Variants in MRAS observed in about 807,000 individuals in gnomAD.
The protein encoded by MRAS is ras-related protein M-Ras.
A neutral mutation model predicts 20.9 loss-of-function variants in MRAS; 4 were observed. The observed-to-expected ratio is 0.19, with a 90% CI of 0.09 to 0.44. MRAS has a LOEUF of 0.44. Ranked by LOEUF, MRAS falls within the 20% of genes least tolerant of loss-of-function variation. The pLI, the probability that MRAS is intolerant of heterozygous loss-of-function variation, is 0.99. For synonymous variants in MRAS, 98 were observed against 102.9 expected (o/e 0.95, Z 0.29); for missense variants, 154 against 277.5 (o/e 0.56, Z 3.16).
intron 2 of MRAS, among the ~76,000 whole-genome samples, chr3:138,395,774 T>G (rs2055223488): frequency 6.6e-6 from 1 of 152,250 alleles, no homozygotes; most frequent in Non-Finnish European, 1.5e-5. Context: ...GGATTTGGTC[T>G]CATTCGCCTT....
At chr3:138,373,989 C>G (rs1184700491) in intron 2 of MRAS, among the ~76,000 whole-genome samples, 3 of 151,790 alleles carry the variant, frequency 2.0e-5, no homozygotes, top group Non-Finnish European at 2.9e-5. Context: ...CGGAGTCTCG[C>G]TCTGTCACCA....
intron 1 of MRAS, among the ~76,000 whole-genome samples, chr3:138,354,805 A>G (rs1274320234): frequency 2.0e-5 from 3 of 149,718 alleles, no homozygotes; most frequent in Admixed American, 6.6e-5. Flanking sequence ...GTTAGCAGTG[A>G]AGTCTCACTC....
intron 1 of MRAS, among the ~76,000 whole-genome samples, chr3:138,356,366 G>C (rs191284234): frequency 1.3e-5 from 2 of 152,238 alleles, no homozygotes; most frequent in East Asian, 3.9e-4. Flanking sequence ...GCAGATTCTT[G>C]CCTCTCAAAA....
At chr3:138,397,272 G>C in intron 2 of MRAS, 52 bp from the exon 3 acceptor site, 8 of 1,595,350 alleles carry the variant, frequency 5.0e-6, no homozygotes, top group Non-Finnish European at 6.8e-6. Flanking sequence ...GCAGGCTGTG[G>C]GGGCTACAGG....
In MRAS at chr3:138,405,076, G is replaced by A. The variant is rs551994528; in HGVS notation, c.*2807G>A. 2.0e-5 allele frequency: 3 copies of A among 152,444 alleles called. No individual in the cohort carries two copies. In the East Asian group the frequency reaches 5.8e-4, roughly 29 times the overall value. 9.4% of individuals were successfully genotyped at this position (152,444 alleles called of 1,614,324 possible). A position where few individuals can be genotyped will look rare whatever the true frequency, so the allele number is the denominator to read the frequency against. ...CCATCCTCTCCACTCCCACGGCTGG[G>A]GACAATGGCCACTTACTACCTGTGC... On this transcript the variant is annotated 3_prime_UTR_variant, in exon 6 of 6. Coordinates refer to ENST00000423968, the MANE Select transcript of MRAS (RefSeq NM_001085049.3).
intron 2 of MRAS, among the ~76,000 whole-genome samples, chr3:138,395,463 T>C (rs967604311): frequency 1.3e-5 from 2 of 152,170 alleles, no homozygotes; most frequent in East Asian, 3.9e-4. Context: ...CACACGCCCT[T>C]CACTCCCCTT....
chr3:138,380,785 T>G (rs993476791), intron 2 of MRAS, among the ~76,000 whole-genome samples: 1 of 152,148 alleles, frequency 6.6e-6, no homozygotes, highest in African/African-American at 2.4e-5. Flanking sequence ...TTTCTTTTTT[T>G]TTTGAGACGG....
At chr3:138,369,995 C>T (rs1423057326) in intron 1 of MRAS, among the ~76,000 whole-genome samples, 2 of 152,156 alleles carry the variant, frequency 1.3e-5, no homozygotes, top group African/African-American at 4.8e-5. Flanking sequence ...TTAGTTATGT[C>T]GCTGCCAGCA....
At chr3:138,399,631 T>C (rs60025224) in intron 4 of MRAS, among the ~76,000 whole-genome samples, 2,040 of 152,350 alleles carry the variant, frequency 0.013, 45 homozygotes, top group African/African-American at 0.045. Flanking sequence ...GGCATTAATT[T>C]TGTAATCAGA....
At chr3:138,349,323 A>C (rs967576746) in intron 1 of MRAS, 4 of 152,412 alleles carry the variant, frequency 2.6e-5, no homozygotes, top group African/African-American at 9.6e-5. Flanking sequence ...GGCATCAGAC[A>C]CGGTGCCAGT....
At chr3:138,392,804 T>C (rs1223819170) in intron 2 of MRAS, among the ~76,000 whole-genome samples, 1 of 152,258 alleles carries the variant, frequency 6.6e-6, no homozygotes, top group Admixed American at 6.5e-5. Flanking sequence ...TAGATGGATT[T>C]AATCCATTTG....
chr3:138,375,811 C>G (rs1044316478), intron 2 of MRAS, among the ~76,000 whole-genome samples: 4 of 152,122 alleles, frequency 2.6e-5, no homozygotes, highest in Admixed American at 2.6e-4. Flanking sequence ...TGCTTGAGCT[C>G]AGGAGTTTGA....
chr3:138,385,335 G>A (rs1330725302), intron 2 of MRAS, among the ~76,000 whole-genome samples: 1 of 150,246 alleles, frequency 6.7e-6, no homozygotes. Context: ...TTGTAGAGAC[G>A]GGGTTCTCAC....
chr3:138,377,169 T>G (rs900014991), intron 2 of MRAS, among the ~76,000 whole-genome samples: 1 of 152,248 alleles, frequency 6.6e-6, no homozygotes, highest in East Asian at 1.9e-4. Flanking sequence ...GGCATTACTT[T>G]AGAAGAATGA....
chr3:138,360,756 T>G (rs1461018259), intron 1 of MRAS, among the ~76,000 whole-genome samples: 1 of 152,170 alleles, frequency 6.6e-6, no homozygotes, highest in Non-Finnish European at 1.5e-5. Context: ...CATTTGGAAA[T>G]GCAGACAGCA....
At chr3:138,362,587 C>T (rs919047341) in intron 1 of MRAS, among the ~76,000 whole-genome samples, 6 of 152,242 alleles carry the variant, frequency 3.9e-5, no homozygotes, top group East Asian at 1.9e-4. Flanking sequence ...AAAAGAGTTG[C>T]AGGGGCCCTG....
At chr3:138,363,855 G>T (rs1461986838) in intron 1 of MRAS, among the ~76,000 whole-genome samples, 4 of 131,360 alleles carry the variant, frequency 3.0e-5, no homozygotes, top group African/African-American at 8.8e-5. Context: ...GTACCCAGAG[G>T]GTGGCTATGT....
intron 1 of MRAS, among the ~76,000 whole-genome samples, chr3:138,369,968 C>T (rs964309518): frequency 2.6e-5 from 4 of 152,188 alleles, no homozygotes; most frequent in Non-Finnish European, 5.9e-5. Context: ...AATACCTTCC[C>T]ACCCACTTAG....
At chr3:138,371,017 C>T (rs941991153) in intron 1 of MRAS, among the ~76,000 whole-genome samples, 2 of 152,104 alleles carry the variant, frequency 1.3e-5, no homozygotes, top group Non-Finnish European at 2.9e-5. Context: ...TTTAACTTTT[C>T]CCCCCAACAT....
Sources: gnomAD v4.1 joint callset for allele counts (sites outside exome capture counted in the v4.1 genomes callset) on GRCh38, gnomAD v4.1.1 for gene constraint, MANE v1.5 for transcripts, NCBI Gene and HGNC (gene_info 2026-07-23, HGNC 2026-07-21) for gene names.